USH2A: variants seen among roughly 807,000 people sequenced by gnomAD.
The protein encoded by USH2A is usherin.
A neutral mutation model predicts 538.9 loss-of-function variants in USH2A; 443 were observed. The observed-to-expected ratio is 0.82, with a 90% CI of 0.76 to 0.89. The LOEUF is 0.89. USH2A is among the 40% of genes least tolerant of loss of function. The pLI, the probability that USH2A is intolerant of heterozygous loss-of-function variation, is 0.00. For synonymous variants in USH2A, 2,413 were observed against 2,273.5 expected (o/e 1.06, Z -1.75); for missense variants, 6,633 against 6,324.8 (o/e 1.05, Z -1.65).
At chr1:215,743,667 G>A (rs2102728347) in intron 58 of USH2A, among the ~76,000 whole-genome samples, 1 of 150,812 alleles carries the variant, frequency 6.6e-6, no homozygotes, top group East Asian at 2.0e-4. Context: ...TAAAAATACA[G>A]AAATTAGCCG....
chr1:215,647,268 T>C (rs1184024655), intron 67 of USH2A, among the ~76,000 whole-genome samples: 1 of 152,206 alleles, frequency 6.6e-6, no homozygotes. Context: ...CCATTGATCG[T>C]TTAACTTCCC....
intron 16 of USH2A, chr1:216,201,847 C>A (rs2035008521): frequency 1.1e-5 from 2 of 186,136 alleles, no homozygotes; most frequent in South Asian, 1.4e-4. Flanking sequence ...CTAAGTGGTA[C>A]AGAAAACTCT....
At chr1:216,192,637 G>A (rs1354341756) in intron 19 of USH2A, among the ~76,000 whole-genome samples, 1 of 152,038 alleles carries the variant, frequency 6.6e-6, no homozygotes, top group Non-Finnish European at 1.5e-5. Context: ...AGGAAGAGAA[G>A]ATTGCAGTGA....
At position 216,198,525 on chromosome 1, in the gene USH2A, A is replaced by C; in HGVS notation, c.3871T>G (p.Ser1291Ala). The C allele has an allele frequency of 6.2e-7, 1 of 1,613,882 alleles. No homozygotes were observed. Among genetic ancestry groups the C allele is most frequent in the Non-Finnish European group, 8.5e-7 (1 of 1,179,924 alleles). The change falls in exon 18 of 72, where the codon TCT becomes GCT. Residue 1291 changes from serine (S) to alanine (A), a missense_variant. By Grantham distance (99) the Ser-to-Ala change is moderately conservative (BLOSUM62 1). Coordinates refer to ENST00000307340, the MANE Select transcript of USH2A (RefSeq NM_206933.4). Reference sequence around the variant, plus strand: ...CTCTGAAAAACTCGACTTTCCTCAGATGTGGTTTCTTTAGTAGATCTCAGT... The same window carrying C: ...CTCTGAAAAACTCGACTTTCCTCAGCTGTGGTTTCTTTAGTAGATCTCAGT... ...RRLRSTKETTSEESRVFQSSG... is the reference protein window; with the variant it reads ...RRLRSTKETTAEESRVFQSSG...
intron 9 of USH2A, among the ~76,000 whole-genome samples, chr1:216,321,587 GT>G (rs2037610900): frequency 6.6e-6 from 1 of 152,110 alleles, no homozygotes; most frequent in African/African-American, 2.4e-5. Context: ...ATTAAAAATT[GT>G]TTTATAAAAC....
At chr1:216,336,661 T>C (rs1434177344) in intron 4 of USH2A, among the ~76,000 whole-genome samples, 2 of 151,460 alleles carry the variant, frequency 1.3e-5, no homozygotes, top group Non-Finnish European at 3.0e-5. Context: ...GAAAATTAAA[T>C]GGAAAAAGAA....
Position 216,109,801 on chromosome 1 carries a change from A to G in USH2A, c.4628-12588T>C, listed in dbSNP as rs1321334757. ...CTTTTAAACTCCTATTTCTTACTGC[A>G]TTAATCGGACCTCTGCAACAGTGAT... On this transcript the variant is annotated intron_variant, in intron 21 of 71. Transcript: ENST00000307340. 3.3e-5 allele frequency among the ~76,000 whole-genome samples: 5 copies of G among 152,294 alleles called. No individual in the cohort carries two copies. The East Asian group carries it at 9.7e-4, about 29-fold the overall frequency.
chr1:216,294,856 T>C (rs186272558), intron 9 of USH2A, among the ~76,000 whole-genome samples: 7 of 152,052 alleles, frequency 4.6e-5, no homozygotes, highest in Non-Finnish European at 1.0e-4. Context: ...ATAGTCCTTT[T>C]TGAGAAAATT....
At chr1:215,793,525 A>G (rs994017719) in intron 50 of USH2A, among the ~76,000 whole-genome samples, 1 of 152,202 alleles carries the variant, frequency 6.6e-6, no homozygotes, top group Admixed American at 6.5e-5. Flanking sequence ...ATGCTCCCCA[A>G]ATCATTGTGA....
At chr1:215,876,655 A>G (rs756234937) in intron 43 of USH2A, among the ~76,000 whole-genome samples, 2 of 152,162 alleles carry the variant, frequency 1.3e-5, no homozygotes, top group Non-Finnish European at 2.9e-5. Context: ...CAATAGTGAT[A>G]TGTTAGGGGA....
intron 50 of USH2A, 130 bp from the exon 51 acceptor site, chr1:215,790,412 T>A: frequency 1.1e-6 from 1 of 925,440 alleles, no homozygotes; most frequent in Non-Finnish European, 1.7e-6. Context: ...TAAGGTAGCA[T>A]TTCCCTACCA....
At chr1:215,632,674 C>G (rs1043437638) in intron 70 of USH2A, among the ~76,000 whole-genome samples, 2 of 152,134 alleles carry the variant, frequency 1.3e-5, no homozygotes, top group Non-Finnish European at 2.9e-5. Context: ...ACTCCATAGA[C>G]CCTAGTTTCA....
intron 11 of USH2A, among the ~76,000 whole-genome samples, chr1:216,279,843 G>C (rs906158885): frequency 6.6e-6 from 1 of 151,876 alleles, no homozygotes; most frequent in Admixed American, 6.6e-5. Flanking sequence ...CATATGCTAG[G>C]GACTTATGTT....
rs114327831 is a variant in USH2A, at chr1:216,058,178, C to T, written c.6050-9531G>A. Among the ~76,000 whole-genome samples the T allele has an allele frequency of 9.2e-4, 117 of 127,380 alleles. 15 individuals carry two copies. Among genetic ancestry groups the T allele is most frequent in the African/African-American group, 3.3e-3 (98 of 29,974 alleles). The allele number at this position is 127,380 out of a possible 152,430, so 83.6% of individuals were successfully genotyped here. ...GCAAAAAGATGAAGTGTGTGGGTCT[C>T]GCCTATGAACATCCCGCCTCTGCAT... On this transcript the variant is annotated intron_variant, in intron 30 of 71. Coordinates refer to ENST00000307340, the MANE Select transcript of USH2A (RefSeq NM_206933.4).
At chr1:216,147,084 G>A (rs1430649644) in intron 21 of USH2A, among the ~76,000 whole-genome samples, 1 of 152,060 alleles carries the variant, frequency 6.6e-6, no homozygotes, top group South Asian at 2.1e-4. Flanking sequence ...TCCCTTCCTA[G>A]TCTCTGTGAC....
rs142836176 is a variant in USH2A, at chr1:216,358,214, G to A, written c.784+6739C>T. Among the ~76,000 whole-genome samples the A allele has an allele frequency of 9.5e-4, 145 of 152,244 alleles. 1 individual carries two copies. Among genetic ancestry groups the A allele is most frequent in the African/African-American group, 3.4e-3 (142 of 41,556 alleles). ...GTAGCCAACACTCATATGGAAGGTT[G>A]TTACTTTCTGGGTGCAGAAACAGAG... On this transcript the variant is annotated intron_variant, in intron 4 of 71. Coordinates refer to ENST00000307340, the MANE Select transcript of USH2A (RefSeq NM_206933.4).
chr1:216,216,981 C>A (rs1292651360), intron 15 of USH2A, among the ~76,000 whole-genome samples: 1 of 151,868 alleles, frequency 6.6e-6, no homozygotes, highest in East Asian at 1.9e-4. Context: ...AGAATTCACC[C>A]TTTATTTGTC....
intron 4 of USH2A, among the ~76,000 whole-genome samples, chr1:216,328,953 C>G (rs1005116825): frequency 6.6e-6 from 1 of 152,044 alleles, no homozygotes; most frequent in African/African-American, 2.4e-5. Flanking sequence ...CTGATGTAGT[C>G]TAAGAAAAAT....
At chr1:215,642,411 A>G (rs1157723278) in intron 67 of USH2A, among the ~76,000 whole-genome samples, 2 of 152,158 alleles carry the variant, frequency 1.3e-5, no homozygotes, top group Non-Finnish European at 2.9e-5. Context: ...CTTTGTTATC[A>G]TCGGTACACA....
Sources: gnomAD v4.1 joint callset for allele counts (sites outside exome capture counted in the v4.1 genomes callset) on GRCh38, gnomAD v4.1.1 for gene constraint, MANE v1.5 for transcripts, NCBI Gene and HGNC (gene_info 2026-07-23, HGNC 2026-07-21) for gene names.